Variants in NLGN1 observed in about 807,000 individuals in gnomAD.
NLGN1 encodes the protein neuroligin-1.
In NLGN1, 12 loss-of-function variants were observed where a neutral mutation model predicts 65.5. The observed-to-expected ratio is 0.18, with a 90% CI of 0.12 to 0.30. The LOEUF is 0.30. Among genes scored for constraint, NLGN1 ranks in the 10% least tolerant of loss-of-function variants. NLGN1 has a pLI of 1.00. For missense variants in NLGN1, 750 were observed against 1,007.1 expected (o/e 0.74, Z 3.46); for synonymous variants, 350 against 359.5 (o/e 0.97, Z 0.30).
intron 1 of NLGN1, among the ~76,000 whole-genome samples, chr3:173,410,612 C>CT (rs1712328633): frequency 6.6e-6 from 1 of 152,176 alleles, no homozygotes. Context: ...TTCAAGAACT[C>CT]TATCAGCATT....
chr3:173,998,952 A>G (rs1215835058), intron 4 of NLGN1, among the ~76,000 whole-genome samples: 1 of 152,142 alleles, frequency 6.6e-6, no homozygotes, highest in Non-Finnish European at 1.5e-5. Flanking sequence ...TAATTCCTTC[A>G]CCTGCTCATC....
chr3:173,666,912 A>C (rs1209842236), intron 3 of NLGN1, among the ~76,000 whole-genome samples: 1 of 152,220 alleles, frequency 6.6e-6, no homozygotes, highest in East Asian at 1.9e-4. Context: ...AACTCACATA[A>C]AAAGAAAATG....
chr3:173,866,811 T>TATAAG (rs1282652867), intron 4 of NLGN1, among the ~76,000 whole-genome samples: 5 of 152,304 alleles, frequency 3.3e-5, no homozygotes, highest in African/African-American at 1.2e-4. Flanking sequence ...TGGGGTTAGT[T>TATAAG]ATACAGCACC....
intron 3 of NLGN1, among the ~76,000 whole-genome samples, chr3:173,636,812 A>G (rs1366049217): frequency 6.6e-6 from 1 of 152,144 alleles, no homozygotes; most frequent in Non-Finnish European, 1.5e-5. Context: ...ATTAACACCT[A>G]TACTGTAAAA....
At chr3:174,276,380 G>C (rs145945553) in intron 5 of NLGN1, among the ~76,000 whole-genome samples, 65 of 151,886 alleles carry the variant, frequency 4.3e-4, no homozygotes, top group African/African-American at 1.5e-3. Flanking sequence ...GAGTATTGTT[G>C]GAGAAATTTG....
chr3:173,518,862 A>T (rs932410479), intron 2 of NLGN1, among the ~76,000 whole-genome samples: 10 of 152,166 alleles, frequency 6.6e-5, no homozygotes, highest in African/African-American at 2.4e-4. Context: ...AGGAAGGCAA[A>T]TGCTTACACA....
rs1186475897 is a variant in NLGN1, at chr3:174,276,708, C to T, written c.859+1181C>T. Among the ~76,000 whole-genome samples, 41 of 151,828 alleles carry T rather than the reference C, an allele frequency of 2.7e-4. 1 individual carries two copies. The highest frequency in any genetic ancestry group is 2.6e-3 in the Admixed American group (40 of 15,186). Reference sequence around the variant, plus strand: ...AGACTCAATTTATTAACATAGTTTACATAACATTTCATTTATATTAGTAAA... The same window carrying T: ...AGACTCAATTTATTAACATAGTTTATATAACATTTCATTTATATTAGTAAA... On this transcript the variant is annotated intron_variant, in intron 5 of 6. Coordinates refer to ENST00000457714, the Ensembl canonical transcript of NLGN1.
chr3:173,830,637 A>T (rs924110284), intron 4 of NLGN1, among the ~76,000 whole-genome samples: 1 of 152,202 alleles, frequency 6.6e-6, no homozygotes, highest in South Asian at 2.1e-4. Context: ...ATATATTTTT[A>T]AAAAATCTCT....
intron 4 of NLGN1, among the ~76,000 whole-genome samples, chr3:173,915,280 G>T (rs946787492): frequency 6.6e-6 from 1 of 152,192 alleles, no homozygotes; most frequent in Non-Finnish European, 1.5e-5. Flanking sequence ...AAAAAACTCA[G>T]ATTTTATGAC....
At chr3:173,513,341 C>A (rs1733298145) in intron 2 of NLGN1, among the ~76,000 whole-genome samples, 1 of 152,098 alleles carries the variant, frequency 6.6e-6, no homozygotes, top group Admixed American at 6.5e-5. Context: ...TGGAACAAGT[C>A]TCACTTTCAG....
At chr3:173,852,122 C>T (rs1378882921) in intron 4 of NLGN1, among the ~76,000 whole-genome samples, 18 of 151,092 alleles carry the variant, frequency 1.2e-4, no homozygotes, top group African/African-American at 3.9e-4. Context: ...TTTGGGAGGC[C>T]GAGGCGGGCG....
chr3:173,576,404 A>G (rs975241036), intron 2 of NLGN1, among the ~76,000 whole-genome samples: 30 of 152,198 alleles, frequency 2.0e-4, no homozygotes, highest in African/African-American at 7.0e-4. Flanking sequence ...ACAGTTTAGG[A>G]TGTCAGAAAC....
At chr3:173,464,230 C>T (rs1467786713) in intron 2 of NLGN1, among the ~76,000 whole-genome samples, 2 of 152,036 alleles carry the variant, frequency 1.3e-5, no homozygotes, top group South Asian at 2.1e-4. Flanking sequence ...CACAGTAAAC[C>T]TGTAAATTAG....
intron 4 of NLGN1, among the ~76,000 whole-genome samples, chr3:174,163,680 A>C (rs2152724043): frequency 6.6e-6 from 1 of 152,128 alleles, no homozygotes; most frequent in African/African-American, 2.4e-5. Flanking sequence ...GAGAACACAC[A>C]GTATTTGGTT....
intron 4 of NLGN1, among the ~76,000 whole-genome samples, chr3:173,881,648 G>A (rs374442738): frequency 4.0e-5 from 6 of 148,880 alleles, no homozygotes; most frequent in Non-Finnish European, 6.0e-5. Context: ...GGATGGTCTC[G>A]ATCTCCTGAC....
chr3:174,275,182 G>T, intron 4 of NLGN1, 133 bp from the exon 5 acceptor site: 1 of 644,282 alleles, frequency 1.6e-6, no homozygotes, highest in South Asian at 2.1e-5. Context: ...TTTTGTTATA[G>T]TGGAAAATAA....
rs920197028 is a variant in NLGN1 at position 174,094,088 on chromosome 3, T to C, written c.647-181227T>C. Among the ~76,000 whole-genome samples the C allele has an allele frequency of 2.6e-5, 4 of 152,292 alleles. No homozygotes were observed. In the South Asian group the frequency reaches 6.2e-4, roughly 24 times the overall value. On this transcript the variant is annotated intron_variant, in intron 4 of 6. Transcript: ENST00000457714. ...ATATACCGTAGTGTGCTGTATAGTA[T>C]AGACTAGATTTAAAGAATTAGTGAG...
At chr3:174,270,576 A>C (rs1397165885) in intron 4 of NLGN1, among the ~76,000 whole-genome samples, 18 of 151,886 alleles carry the variant, frequency 1.2e-4, no homozygotes, top group Admixed American at 1.2e-3. Flanking sequence ...ATGTCACCCC[A>C]TTAGAAGAGA....
chr3:173,809,267 G>C (rs1717370690), intron 4 of NLGN1, among the ~76,000 whole-genome samples: 1 of 152,064 alleles, frequency 6.6e-6, no homozygotes, highest in Non-Finnish European at 1.5e-5. Flanking sequence ...ATAAATAATT[G>C]CTCATAATAA....
Sources: gnomAD v4.1 joint callset for allele counts (sites outside exome capture counted in the v4.1 genomes callset) on GRCh38, gnomAD v4.1.1 for gene constraint, MANE v1.5 for transcripts, NCBI Gene and HGNC (gene_info 2026-07-23, HGNC 2026-07-21) for gene names.